The following FHOD3 variants were observed in gnomAD, a reference collection of about 807,000 sequenced individuals.
FHOD3 encodes the protein formin homology 2 domain containing 3.
FHOD3 carries 90 observed loss-of-function variants against 173.0 expected under a neutral mutation model. That is an observed-to-expected ratio of 0.52 (90% CI 0.44 to 0.62). The LOEUF (loss-of-function observed/expected upper bound fraction) is 0.62. FHOD3 is among the 20% of genes least tolerant of loss of function. FHOD3 has a pLI of 0.00. For missense variants in FHOD3, 1,945 were observed against 2,034.7 expected (o/e 0.96, Z 0.85); for synonymous variants, 828 against 823.0 (o/e 1.01, Z -0.10).
chr18:36,484,569 C>G (rs969463350), intron 3 of FHOD3, among the ~76,000 whole-genome samples: 4 of 152,126 alleles, frequency 2.6e-5, no homozygotes, highest in African/African-American at 9.7e-5. Flanking sequence ...TCATAATTTT[C>G]AGACTAGGAA....
chr18:36,362,288 G>C (rs1477604857), intron 2 of FHOD3, among the ~76,000 whole-genome samples: 3 of 152,214 alleles, frequency 2.0e-5, no homozygotes, highest in African/African-American at 7.2e-5. Context: ...CCTCACCCAG[G>C]GTTGGGGAGG....
chr18:36,320,960 G>T (rs28575077), intron 1 of FHOD3, among the ~76,000 whole-genome samples: 4,497 of 152,210 alleles, frequency 0.03, 218 homozygotes, highest in African/African-American at 0.1. Flanking sequence ...TATGTGCTGT[G>T]TTGGGAGGTA....
chr18:36,402,908 T>C (rs2146706469), intron 3 of FHOD3, among the ~76,000 whole-genome samples: 1 of 152,372 alleles, frequency 6.6e-6, no homozygotes, highest in South Asian at 2.1e-4. Flanking sequence ...GAGAGGCGTG[T>C]TTGCCTGAGC....
intron 15 of FHOD3, among the ~76,000 whole-genome samples, chr18:36,681,781 C>T (rs1272192730): frequency 6.6e-6 from 1 of 152,112 alleles, no homozygotes; most frequent in Non-Finnish European, 1.5e-5. Context: ...GCACAGTCAG[C>T]CAAATACAAT....
At chr18:36,563,675 C>T (rs148481915) in intron 5 of FHOD3, among the ~76,000 whole-genome samples, 175 of 152,280 alleles carry the variant, frequency 1.1e-3, no homozygotes, top group Middle Eastern at 6.8e-3. Context: ...GTTTAAGTCC[C>T]GTGAGTTTTC....
chr18:36,710,781 A>C (rs972812862), intron 18 of FHOD3: 13 of 152,184 alleles, frequency 8.5e-5, no homozygotes, highest in African/African-American at 3.1e-4. Flanking sequence ...AGTCCCCCAA[A>C]TTCTTCTTAT....
chr18:36,495,838 C>A (rs932605888), intron 3 of FHOD3, among the ~76,000 whole-genome samples: 33 of 152,284 alleles, frequency 2.2e-4, no homozygotes, highest in African/African-American at 7.0e-4. Context: ...CTAGGGAGCA[C>A]GATGTCTGTC....
rs1462031192 is a variant in FHOD3, at chr18:36,779,729, C to T, written c.*199C>T. 2 of 574,666 alleles carry T rather than the reference C, an allele frequency of 3.5e-6. No individual in the cohort carries two copies. The highest frequency in any genetic ancestry group is 6.2e-6 in the Non-Finnish European group (2 of 323,430). The allele number at this position is 574,666 out of a possible 1,614,324, so 35.6% of individuals were successfully genotyped here. On this transcript the variant is annotated 3_prime_UTR_variant, in exon 29 of 29. Coordinates refer to ENST00000590592, the MANE Select transcript of FHOD3 (RefSeq NM_001281740.3). ...ATCTCCAGGAGTCCCCTGCACATAC[C>T]TTCTCCATCGTGTCAGCTGTGTTTC...
At chr18:36,520,672 G>T (rs2056230566) in intron 5 of FHOD3, among the ~76,000 whole-genome samples, 1 of 152,208 alleles carries the variant, frequency 6.6e-6, no homozygotes, top group Middle Eastern at 3.2e-3. Flanking sequence ...AGCTTAAAGA[G>T]CCATTGTTGT....
chr18:36,649,323 G>C lies in FHOD3; in HGVS notation c.1204G>C (p.Glu402Gln). ...QVRDLREKEE[E>Q]EEEEQPITEP... Reference sequence around the variant, plus strand: ...TTCCTGGCTTTGTCTCAGGGAGGAGGAGGAGGAAGAGGAGCAGCCAATCAC... The same window carrying C: ...TTCCTGGCTTTGTCTCAGGGAGGAGCAGGAGGAAGAGGAGCAGCCAATCAC... The change falls in exon 11 of 29, where the codon GAG (glutamate) becomes CAG (glutamine). Residue 402 changes from glutamate (E) to glutamine (Q), a missense_variant. By Grantham distance (29) the Glu-to-Gln change is conservative (BLOSUM62 2). Coordinates refer to ENST00000590592, the MANE Select transcript of FHOD3 (RefSeq NM_001281740.3). 1 of 1,535,696 alleles carries C rather than the reference G, an allele frequency of 6.5e-7. No individual in the cohort carries two copies. The highest frequency in any genetic ancestry group is 8.7e-7 in the Non-Finnish European group (1 of 1,146,656).
chr18:36,760,421 CATATT>C (rs1359814460), intron 26 of FHOD3, among the ~76,000 whole-genome samples, 182 bp from the exon 27 acceptor site: 1 of 152,156 alleles, frequency 6.6e-6, no homozygotes, highest in Non-Finnish European at 1.5e-5. Context: ...TTTTCTGTCT[CATATT>C]AGATCTTCTT....
intron 5 of FHOD3, among the ~76,000 whole-genome samples, chr18:36,551,098 T>C (rs1473601794): frequency 1.3e-5 from 2 of 152,214 alleles, no homozygotes; most frequent in Non-Finnish European, 2.9e-5. Context: ...TTTTATTTCT[T>C]GTTTGCTGAG....
chr18:36,746,994 G>T lies in FHOD3; in HGVS notation c.4091G>T (p.Cys1364Phe). 6.2e-7 allele frequency: 1 copy of T among 1,612,918 alleles called. No homozygotes were observed. The highest frequency in any genetic ancestry group is 8.5e-7 in the Non-Finnish European group (1 of 1,179,748). ...QDNLCQMERR[C>F]KASWDHLKAI... ...AATTTATGTCAGATGGAGAGAAGATGCAAAGCTTCATGGGATCACCTCAAG... is the reference window on the plus strand; with the variant it reads ...AATTTATGTCAGATGGAGAGAAGATTCAAAGCTTCATGGGATCACCTCAAG... The change falls in exon 24 of 29, where the codon TGC becomes TTC. Residue 1364 changes from cysteine (C) to phenylalanine (F), a missense_variant. Cys to Phe is a radical substitution (Grantham distance 205). Around this residue, in one of 5 missense-constraint regions of FHOD3, gnomAD observed 354 missense variants for 359.9 expected, o/e 0.98. Coordinates refer to ENST00000590592, the MANE Select transcript of FHOD3 (RefSeq NM_001281740.3).
At chr18:36,486,381 G>A (rs1345616736) in intron 3 of FHOD3, among the ~76,000 whole-genome samples, 1 of 152,116 alleles carries the variant, frequency 6.6e-6, no homozygotes, top group Non-Finnish European at 1.5e-5. Flanking sequence ...TTTGTTTCTT[G>A]AAACAGGGTC....
intron 5 of FHOD3, among the ~76,000 whole-genome samples, chr18:36,534,097 A>G (rs1296396098): frequency 2.0e-5 from 3 of 152,274 alleles, no homozygotes; most frequent in East Asian, 3.9e-4. Flanking sequence ...AGTCCACATC[A>G]TCCTAACTTC....
At chr18:36,645,953 G>C (rs1227294801) in intron 10 of FHOD3, among the ~76,000 whole-genome samples, 2 of 151,860 alleles carry the variant, frequency 1.3e-5, no homozygotes, top group Non-Finnish European at 2.9e-5. Context: ...TTTAATGAAG[G>C]CTATCTACCA....
intron 16 of FHOD3, among the ~76,000 whole-genome samples, chr18:36,690,190 G>T (rs766157721): frequency 1.4e-4 from 21 of 152,186 alleles, no homozygotes; most frequent in Non-Finnish European, 2.4e-4. Context: ...AATCGTGAGT[G>T]CCCACTACAG....
intron 3 of FHOD3, among the ~76,000 whole-genome samples, chr18:36,444,202 A>AG (rs1434711258): frequency 6.7e-6 from 1 of 150,044 alleles, no homozygotes; most frequent in Non-Finnish European, 1.5e-5. Context: ...CAAAAAAAAA[A>AG]AAAAAAAAAA....
At chr18:36,595,802 G>A (rs968379940) in intron 7 of FHOD3, among the ~76,000 whole-genome samples, 4 of 152,156 alleles carry the variant, frequency 2.6e-5, no homozygotes, top group African/African-American at 9.7e-5. Flanking sequence ...TTCTCCTTTT[G>A]TCTTTTGTTG....
Sources: gnomAD v4.1 joint callset for allele counts (sites outside exome capture counted in the v4.1 genomes callset) on GRCh38, gnomAD v4.1.1 for gene constraint, gnomAD v4.1.1 regional missense constraint, MANE v1.5 for transcripts, NCBI Gene and HGNC (gene_info 2026-07-23, HGNC 2026-07-21) for gene names.